PCK2: variants seen among roughly 807,000 people sequenced by gnomAD.
PCK2 encodes phosphoenolpyruvate carboxykinase 2, mitochondrial.
In PCK2, 56 loss-of-function variants were observed where a neutral mutation model predicts 65.9. The observed-to-expected ratio is 0.85, with a 90% confidence interval of 0.69 to 1.06. PCK2 has a LOEUF of 1.06. Among genes scored for constraint, PCK2 ranks in the 50% least tolerant of loss-of-function variants. PCK2 has a pLI of 0.00. For missense variants in PCK2, 843 were observed against 863.1 expected (o/e 0.98, Z 0.29); for synonymous variants, 305 against 319.6 (o/e 0.95, Z 0.49).
chr14:24,102,657 A>G, intron 7 of PCK2, 96 bp from the exon 8 acceptor site: 1 of 1,140,194 alleles, frequency 8.8e-7, no homozygotes, highest in African/African-American at 1.6e-5. Flanking sequence ...GAGGCAAAAA[A>G]AAAAAAAGAA....
At position 24,094,986 on chromosome 14, in the gene PCK2, G is replaced by A. The variant is rs1474660402; in HGVS notation, c.29+552G>A. 2 of 620,592 alleles carry A rather than the reference G, an allele frequency of 3.2e-6. No homozygotes were observed. The highest frequency in any genetic ancestry group is 3.2e-5 in the South Asian group (2 of 62,932). 38.4% of individuals were successfully genotyped at this position (620,592 alleles called of 1,614,324 possible). A position where few individuals can be genotyped will look rare whatever the true frequency, so the allele number is the denominator to read the frequency against. Reference sequence around the variant, plus strand: ...CAGCCCGAGGGACCTGGGCCCAGGGGAGGGAGGCAAGCAAGGTGGGAGGAG... The same window carrying A: ...CAGCCCGAGGGACCTGGGCCCAGGGAAGGGAGGCAAGCAAGGTGGGAGGAG... On this transcript the variant is annotated intron_variant, in intron 1 of 9. Coordinates refer to ENST00000216780, the MANE Select transcript of PCK2 (RefSeq NM_004563.4). The surrounding 1 kb of genome is among the most constrained non-coding windows in gnomAD (Gnocchi z 4.1).
At position 24,099,070 on chromosome 14, in the gene PCK2, C is replaced by A; in HGVS notation, c.686C>A (p.Pro229Gln). 6.2e-7 allele frequency: 1 copy of A among 1,604,146 alleles called. No individual in the cohort carries two copies. The highest frequency in any genetic ancestry group is 8.5e-7 in the Non-Finnish European group (1 of 1,172,524). Reference sequence around the variant, plus strand: ...CCAGGGGAGCCAGTGAGCCAGTGGCCGTGCAACCCAGAGAAAACCCTGATT... The same window carrying A: ...CCAGGGGAGCCAGTGAGCCAGTGGCAGTGCAACCCAGAGAAAACCCTGATT... ...TGQGEPVSQWPCNPEKTLIGH... is the reference protein window; with the variant it reads ...TGQGEPVSQWQCNPEKTLIGH... Residue 229 changes from proline (P) to glutamine (Q), a missense_variant, in exon 5 of 10, where the codon CCG (proline) becomes CAG (glutamine). Physicochemically the swap from Pro to Gln is moderately conservative, Grantham distance 76 (BLOSUM62 -1). Coordinates refer to ENST00000216780, the MANE Select transcript of PCK2 (RefSeq NM_004563.4).
chr14:24,097,189 G>A (rs766478611), intron 2 of PCK2, 52 bp downstream of exon 2: 1 of 1,566,042 alleles, frequency 6.4e-7, no homozygotes, highest in Non-Finnish European at 8.8e-7. Flanking sequence ...GGCCACTTTG[G>A]GTTCACCAAG....
chr14:24,103,714 T>C lies in PCK2; in HGVS notation c.1673T>C (p.Ile558Thr), dbSNP rs375883779. ...FGENARVLDW[I>T]CRRLEGEDSA... ...GAGAATGCTCGGGTGCTAGACTGGA[T>C]CTGCCGGCGGTTAGAGGGGGAGGAC... Residue 558 changes from isoleucine to threonine, a missense_variant, in exon 10 of 10, where the codon ATC (isoleucine) becomes ACC (threonine). By Grantham distance (89) the Ile-to-Thr change is moderately conservative. Coordinates refer to ENST00000216780, the MANE Select transcript of PCK2 (RefSeq NM_004563.4). 42 of 1,614,026 alleles carry C rather than the reference T, an allele frequency of 2.6e-5. No homozygotes were observed. Among genetic ancestry groups the C allele is most frequent in the Non-Finnish European group, 3.1e-5 (37 of 1,180,030 alleles).
chr14:24,095,305 G>A (rs2036819472), intron 1 of PCK2: 6 of 450,514 alleles, frequency 1.3e-5, no homozygotes, highest in Non-Finnish European at 2.2e-5. Flanking sequence ...GGGAGAGAGA[G>A]GCTGTCCTCA....
In PCK2 at chr14:24,098,189, C is replaced by A; in HGVS notation, c.276-14C>A. 1.3e-6 allele frequency: 2 copies of A among 1,579,150 alleles called. No individual in the cohort carries two copies. Among genetic ancestry groups the A allele is most frequent in the Non-Finnish European group, 1.7e-6 (2 of 1,158,068 alleles). On this transcript the variant is annotated splice_polypyrimidine_tract_variant and intron_variant, in intron 2 of 9. Coordinates refer to ENST00000216780, the MANE Select transcript of PCK2 (RefSeq NM_004563.4). ...TGCTGGCCACCATCTTCCTGACAAT[C>A]CCCTCTCCCCCAGCTGGCTGGCCCG...
Position 24,103,858 on chromosome 14 carries a change from A to G in PCK2, c.1817A>G (p.Glu606Gly), listed in dbSNP as rs752206900. The change falls in exon 10 of 10, where the codon GAG becomes GGG. Residue 606 changes from glutamate to glycine, a missense_variant. Glu to Gly is a moderately conservative substitution (Grantham distance 98). Coordinates refer to ENST00000216780, the MANE Select transcript of PCK2 (RefSeq NM_004563.4). Reference sequence around the variant, plus strand: ...CTCCCCAAGGACTTCTGGGAACAGGAGGTTCGTGACATTCGGAGCTACCTG... The same window carrying G: ...CTCCCCAAGGACTTCTGGGAACAGGGGGTTCGTGACATTCGGAGCTACCTG... ...FSLPKDFWEQEVRDIRSYLTE... is the reference protein window; with the variant it reads ...FSLPKDFWEQGVRDIRSYLTE... The G allele has an allele frequency of 6.2e-7, 1 of 1,614,102 alleles. No individual in the cohort carries two copies. Among genetic ancestry groups the G allele is most frequent in the Non-Finnish European group, 8.5e-7 (1 of 1,180,004 alleles).
chr14:24,097,177 G>A (rs1255693731), intron 2 of PCK2, 40 bp downstream of exon 2: 1 of 1,599,962 alleles, frequency 6.3e-7, no homozygotes, highest in East Asian at 2.2e-5. Context: ...TAGGTGCACT[G>A]AGGCCACTTT....
At chr14:24,095,989 A>G (rs961301569) in intron 1 of PCK2, among the ~76,000 whole-genome samples, 2 of 152,216 alleles carry the variant, frequency 1.3e-5, no homozygotes, top group Admixed American at 6.5e-5. Context: ...TTCTCTGTGC[A>G]AGAGCCCTCA....
chr14:24,103,199 G>C lies in PCK2; in HGVS notation c.1412G>C (p.Gly471Ala). 1 of 1,614,122 alleles carries C rather than the reference G, an allele frequency of 6.2e-7. No individual in the cohort carries two copies. Among genetic ancestry groups the C allele is most frequent in the Non-Finnish European group, 8.5e-7 (1 of 1,179,974 alleles). ...TACGAGGCCTTCAACTGGCGTCATG[G>C]GGTGTTTGTGGGCAGCGCCATGCGC... is the stretch of plus-strand genomic sequence containing the variant. ...LVYEAFNWRH[G>A]VFVGSAMRSE... The change falls in exon 9 of 10, where the codon GGG becomes GCG. Residue 471 changes from glycine to alanine, a missense_variant. Coordinates refer to ENST00000216780, the MANE Select transcript of PCK2 (RefSeq NM_004563.4).
rs1212664057 is a variant in PCK2, at chr14:24,103,212, C to T, written c.1425C>T (p.Gly475=). ...AFNWRHGVFV[G]SAMRSESTAA... ...ACTGGCGTCATGGGGTGTTTGTGGGCAGCGCCATGCGCTCTGAGTCCACTG... is the reference window on the plus strand; with the variant it reads ...ACTGGCGTCATGGGGTGTTTGTGGGTAGCGCCATGCGCTCTGAGTCCACTG... The change falls in exon 9 of 10, where the codon GGC becomes GGT. Residue 475 remains glycine (G), a synonymous_variant. Transcript: ENST00000216780. 1.3e-5 allele frequency: 21 copies of T among 1,614,066 alleles called. No individual in the cohort carries two copies. The highest frequency in any genetic ancestry group is 1.7e-5 in the Non-Finnish European group (20 of 1,179,928).
At chr14:24,095,068 G>C in intron 1 of PCK2, 1 of 455,728 alleles carries the variant, frequency 2.2e-6, no homozygotes, top group South Asian at 1.5e-5. Flanking sequence ...TCCAGGCCTG[G>C]AGCCCCCAGG....
chr14:24,104,083 C>G lies in PCK2; in HGVS notation c.*119C>G, dbSNP rs569631551. On this transcript the variant is annotated 3_prime_UTR_variant, in exon 10 of 10. Transcript: ENST00000216780. ...ACATCTTCAATGTGCCATAGACCTT[C>G]CCACAAAGACTGTCCAATAATAAGA... The G allele has an allele frequency of 1.9e-4, 130 of 668,352 alleles. No individual in the cohort carries two copies. In the African/African-American group the frequency reaches 2.1e-3, roughly 11 times the overall value. The allele number at this position is 668,352 out of a possible 1,614,324, so 41.4% of individuals were successfully genotyped here. A position where few individuals can be genotyped will look rare whatever the true frequency, so the allele number is the denominator to read the frequency against.
chr14:24,100,573 AT>A (rs931498788), intron 7 of PCK2: 1,766 of 1,047,596 alleles, frequency 1.7e-3, no homozygotes, highest in East Asian at 2.7e-3. Context: ...TACAGGCTGG[AT>A]TTTTTTTTAA....
chr14:24,096,704 GC>G (rs1448788489), intron 1 of PCK2, among the ~76,000 whole-genome samples, 187 bp from the exon 2 acceptor site: 1 of 152,102 alleles, frequency 6.6e-6, no homozygotes, highest in Non-Finnish European at 1.5e-5. Flanking sequence ...CCCTCCTCAA[GC>G]CTCATAAAGG....
At chr14:24,099,266 G>T in intron 5 of PCK2, 30 bp downstream of exon 5, 4 of 1,573,682 alleles carry the variant, frequency 2.5e-6, no homozygotes, top group Non-Finnish European at 3.4e-6. Flanking sequence ...CAGGGCAGCT[G>T]CCGGGGACAG....
At chr14:24,102,949 A>C (rs1049516059) in intron 8 of PCK2, 59 bp downstream of exon 8, 25 of 1,517,840 alleles carry the variant, frequency 1.6e-5, no homozygotes, top group Middle Eastern at 3.5e-4. Flanking sequence ...ATTAGGGCCT[A>C]CCTCCCTCCC....
Position 24,099,049 on chromosome 14 carries a change from G to C in PCK2, c.665G>C (p.Gly222Ala). ...AGCCCCATGACCCCATTGTCCCCAG[G>C]GGAGCCAGTGAGCCAGTGGCCGTGC... Reference protein sequence around the residue: ...HSVGQPLTGQGEPVSQWPCNP... With the variant: ...HSVGQPLTGQAEPVSQWPCNP... Residue 222 changes from glycine to alanine, a missense_variant and splice_region_variant, in exon 5 of 10, where the codon GGG (glycine) becomes GCG (alanine). By Grantham distance (60) the Gly-to-Ala change is moderately conservative (BLOSUM62 0). Coordinates refer to ENST00000216780, the MANE Select transcript of PCK2 (RefSeq NM_004563.4). 1 of 1,598,708 alleles carries C rather than the reference G, an allele frequency of 6.3e-7. No individual in the cohort carries two copies. The highest frequency in any genetic ancestry group is 8.6e-7 in the Non-Finnish European group (1 of 1,168,664).
At chr14:24,100,324 A>C (rs771430351) in intron 7 of PCK2, 111 bp downstream of exon 7, 29 of 1,514,872 alleles carry the variant, frequency 1.9e-5, no homozygotes, top group Non-Finnish European at 2.6e-5. Context: ...GGAGGCACAG[A>C]AGTCATGAAC....
Sources: gnomAD v4.1 joint callset for allele counts (sites outside exome capture counted in the v4.1 genomes callset) on GRCh38, gnomAD v4.1.1 for gene constraint, Gnocchi (gnomAD v3.1) non-coding constraint, MANE v1.5 for transcripts, NCBI Gene and HGNC (gene_info 2026-07-23, HGNC 2026-07-21) for gene names.